Variants in PIEZO2 observed in about 807,000 individuals in gnomAD.
PIEZO2 encodes piezo type mechanosensitive ion channel component 2.
A neutral mutation model predicts 337.3 loss-of-function variants in PIEZO2; 172 were observed. That is an observed-to-expected ratio of 0.51 (90% CI 0.45 to 0.58). PIEZO2 has a LOEUF of 0.58. PIEZO2 is among the 20% of genes least tolerant of loss of function. The pLI is 0.00. For synonymous variants in PIEZO2, 1,251 were observed against 1,228.5 expected, an observed-to-expected ratio of 1.02 and a Z score of -0.38; for missense variants, 3,028 against 3,391.3, an observed-to-expected ratio of 0.89 and a Z score of 2.66.
At chr18:10,800,565 C>A in intron 10 of PIEZO2, 90 bp from the exon 11 acceptor site, 1 of 1,390,060 alleles carries the variant, frequency 7.2e-7, no homozygotes, top group South Asian at 1.5e-5. Context: ...TCCACCCTAA[C>A]TGAACAGTGA....
rs1445408044 is a variant in PIEZO2, at chr18:10,801,413, G to A, written c.1216C>T (p.Gln406Ter). The change falls in exon 10 of 56, where the codon CAG becomes TAG. Residue 406 changes from glutamine to a stop codon, truncating the protein, a stop_gained. Coordinates refer to ENST00000674853, the MANE Select transcript of PIEZO2 (RefSeq NM_001378183.1). LOFTEE classifies it high-confidence loss of function. Reference sequence around the variant, plus strand: ...ACATCAGATGGTTTGTAGTCATCCTGGGTCATGGATAAAAGCTGCAAAAAG... The same window carrying A: ...ACATCAGATGGTTTGTAGTCATCCTAGGTCATGGATAAAAGCTGCAAAAAG... ...TDERKLLSMT[Q>*]DDYKPSDGLL... 6.6e-7 allele frequency: 1 copy of A among 1,508,838 alleles called. No homozygotes were observed. Among genetic ancestry groups the A allele is most frequent in the South Asian group, 1.2e-5 (1 of 83,444 alleles). 93.5% of individuals were successfully genotyped at this position (1,508,838 alleles called of 1,614,324 possible).
At chr18:11,082,258 A>C (rs1467948258) in intron 1 of PIEZO2, among the ~76,000 whole-genome samples, 1 of 151,948 alleles carries the variant, frequency 6.6e-6, no homozygotes, top group Non-Finnish European at 1.5e-5. Context: ...ACAAATACTA[A>C]TTTTCTTCTA....
intron 2 of PIEZO2, among the ~76,000 whole-genome samples, chr18:11,006,110 C>T (rs2035710831): frequency 6.6e-6 from 1 of 152,168 alleles, no homozygotes; most frequent in East Asian, 1.9e-4. Flanking sequence ...CTCAGGAAGA[C>T]CCCCGGTCAT....
At chr18:10,893,534 C>G (rs2042813157) in intron 4 of PIEZO2, 1 of 152,168 alleles carries the variant, frequency 6.6e-6, no homozygotes, top group Admixed American at 6.5e-5. Flanking sequence ...GCATGGGTTC[C>G]TTGGTAATTC....
chr18:10,836,509 C>A (rs1002297655), intron 7 of PIEZO2, among the ~76,000 whole-genome samples: 1 of 152,180 alleles, frequency 6.6e-6, no homozygotes, highest in African/African-American at 2.4e-5. Flanking sequence ...GAAACCAGAT[C>A]ACTTGCAACT....
chr18:11,000,866 A>G (rs1282163284), intron 2 of PIEZO2, among the ~76,000 whole-genome samples: 3 of 152,148 alleles, frequency 2.0e-5, no homozygotes, highest in African/African-American at 7.2e-5. Flanking sequence ...CAGAGCCCTC[A>G]GCCAGTTCTA....
rs1190696223 is a variant in PIEZO2 at position 10,962,652 on chromosome 18, C to T, written c.286+16883G>A. Among the ~76,000 whole-genome samples the T allele has an allele frequency of 1.3e-5, 2 of 152,192 alleles. No individual in the cohort carries two copies. The highest frequency in any genetic ancestry group is 2.1e-4 in the South Asian group (1 of 4,834). On this transcript the variant is annotated intron_variant, in intron 3 of 55. Transcript: ENST00000674853. This position sits in a 1 kb window ranked among gnomAD's most constrained non-coding sequence, Gnocchi z 4.1. Reference sequence around the variant, plus strand: ...CTTTGACTTTTCCTCTTACCAAGTACAAATTACTTTCTCCATAAGCAAACT... The same window carrying T: ...CTTTGACTTTTCCTCTTACCAAGTATAAATTACTTTCTCCATAAGCAAACT...
intron 4 of PIEZO2, 94 bp from the exon 5 acceptor site, chr18:10,871,509 T>C: frequency 3.3e-6 from 4 of 1,210,150 alleles, no homozygotes; most frequent in Non-Finnish European, 4.4e-6. Context: ...TTCTTAATGA[T>C]TTAAAATAAA....
intron 1 of PIEZO2, among the ~76,000 whole-genome samples, chr18:11,075,742 G>A (rs759592825): frequency 3.7e-4 from 56 of 151,088 alleles, no homozygotes; most frequent in Non-Finnish European, 7.2e-4. Context: ...ACACCAAAAC[G>A]TGCTCACATA....
Position 10,752,497 on chromosome 18 carries a change from T to C in PIEZO2, c.4167+139A>G, listed in dbSNP as rs1386862764. The C allele has an allele frequency of 3.4e-5, 38 of 1,109,434 alleles. No individual in the cohort carries two copies. In the East Asian group the frequency reaches 9.9e-4, roughly 29 times the overall value. 68.7% of individuals were successfully genotyped at this position (1,109,434 alleles called of 1,614,324 possible). On this transcript the variant is annotated intron_variant, in intron 28 of 55. Transcript: ENST00000674853. Reference sequence around the variant, plus strand: ...CAAGACAGAGAGAAATAAATGGTTTTTGAATTCTGAATTTGCAGCATCTTA... The same window carrying C: ...CAAGACAGAGAGAAATAAATGGTTTCTGAATTCTGAATTTGCAGCATCTTA...
rs2144993175 is a variant in PIEZO2, at chr18:10,899,626, C to A, written c.329+11560G>T. Among the ~76,000 whole-genome samples the A allele has an allele frequency of 6.6e-6, 1 of 152,282 alleles. No homozygotes were observed. Reference sequence around the variant, plus strand: ...CTTCTCTTGTAGCTGCCTATTAGCACAATTCCCCTAAACATTCCATTTTAT... The same window carrying A: ...CTTCTCTTGTAGCTGCCTATTAGCAAAATTCCCCTAAACATTCCATTTTAT... On this transcript the variant is annotated intron_variant, in intron 4 of 55. Transcript: ENST00000674853. This position sits in a 1 kb window ranked among gnomAD's most constrained non-coding sequence, Gnocchi z 4.6.
chr18:10,725,891 G>A (rs2144014016), intron 36 of PIEZO2, among the ~76,000 whole-genome samples: 1 of 152,318 alleles, frequency 6.6e-6, no homozygotes, highest in Admixed American at 6.5e-5. Context: ...GAGGCGACTG[G>A]CCAGGCTGGG....
chr18:10,678,149 T>C (rs1486317543), intron 52 of PIEZO2, among the ~76,000 whole-genome samples: 1 of 152,244 alleles, frequency 6.6e-6, no homozygotes, highest in Non-Finnish European at 1.5e-5. Flanking sequence ...CCCATCTTGA[T>C]GTTTTAATAC....
rs1307889991 is a variant in PIEZO2 at position 10,759,783 on chromosome 18, T to C, written c.3577A>G (p.Lys1193Glu). 1 of 1,537,318 alleles carries C rather than the reference T, an allele frequency of 6.5e-7. No individual in the cohort carries two copies. Among genetic ancestry groups the C allele is most frequent in the Non-Finnish European group, 8.7e-7 (1 of 1,146,926 alleles). ...RRKAIAEIWPKYCCFLACIIT... is the reference protein window; with the variant it reads ...RRKAIAEIWPEYCCFLACIIT... The stretch of plus-strand genomic sequence containing the variant: ...ATGCATGCCAGGAAGCAGCAGTACT[T>C]GGGCCAGATCTCTGCGATGGCTTTC... The change falls in exon 25 of 56, where the codon AAG becomes GAG. Residue 1193 changes from lysine to glutamate, a missense_variant. Coordinates refer to ENST00000674853, the MANE Select transcript of PIEZO2 (RefSeq NM_001378183.1). The surrounding 1 kb of genome is among the most constrained non-coding windows in gnomAD (Gnocchi z 5.5).
chr18:10,896,334 T>C (rs573228576), intron 4 of PIEZO2, among the ~76,000 whole-genome samples: 1 of 152,230 alleles, frequency 6.6e-6, no homozygotes, highest in East Asian at 1.9e-4. Flanking sequence ...ACCATTGGGT[T>C]TCAGATTTCT....
chr18:10,829,671 A>T (rs1810807332), intron 7 of PIEZO2, among the ~76,000 whole-genome samples: 1 of 152,186 alleles, frequency 6.6e-6, no homozygotes, highest in Admixed American at 6.5e-5. Context: ...AACAATGTGA[A>T]AAAGAAAACA....
intron 36 of PIEZO2, chr18:10,725,597 T>C: frequency 7.5e-7 from 1 of 1,337,728 alleles, no homozygotes; most frequent in Non-Finnish European, 1.0e-6. Flanking sequence ...TTTCCCTTCC[T>C]GAGCAGCCGC....
intron 5 of PIEZO2, among the ~76,000 whole-genome samples, chr18:10,866,390 A>G (rs1379579480): frequency 6.6e-6 from 1 of 151,240 alleles, no homozygotes; most frequent in African/African-American, 2.4e-5. Context: ...GGTTCAAGCG[A>G]TTCTCCTGCC....
At chr18:10,711,747 T>C (rs1206727338) in intron 39 of PIEZO2, among the ~76,000 whole-genome samples, 2 of 152,292 alleles carry the variant, frequency 1.3e-5, no homozygotes, top group East Asian at 3.9e-4. Flanking sequence ...ATATTCAAAC[T>C]CAATACTACG....
Sources: gnomAD v4.1 joint callset for allele counts (sites outside exome capture counted in the v4.1 genomes callset) on GRCh38, gnomAD v4.1.1 for gene constraint, Gnocchi (gnomAD v3.1) non-coding constraint, MANE v1.5 for transcripts, NCBI Gene and HGNC (gene_info 2026-07-23, HGNC 2026-07-21) for gene names.